The following KDM7A variants were observed in gnomAD, a reference collection of about 807,000 sequenced individuals.
KDM7A encodes the protein lysine demethylase 7A, also known as lysine-specific demethylase 7A.
Under a neutral mutation model 114.8 loss-of-function variants are expected in KDM7A, and 28 were observed. The observed-to-expected ratio is 0.24, with a 90% confidence interval of 0.18 to 0.33. The LOEUF is 0.33. Among genes scored for constraint, KDM7A ranks in the 10% least tolerant of loss-of-function variants. KDM7A has a pLI of 1.00. For missense variants in KDM7A, 942 were observed against 1,142.5 expected (o/e 0.82, Z 2.53); for synonymous variants, 423 against 397.8 (o/e 1.06, Z -0.75).
intron 11 of KDM7A, among the ~76,000 whole-genome samples, chr7:140,110,845 A>G (rs771916854): frequency 6.6e-6 from 1 of 151,910 alleles, no homozygotes; most frequent in Non-Finnish European, 1.5e-5. Context: ...TGTATTTTTG[A>G]TTTTTTTTAA....
At position 140,126,532 on chromosome 7, in the gene KDM7A, AAC is replaced by A; in HGVS notation, c.888+103_888+104del. 1.6e-5 allele frequency: 10 copies of A among 612,466 alleles called. No individual in the cohort carries two copies. The South Asian group carries it at 1.7e-4, about 10-fold the overall frequency. 37.9% of individuals were successfully genotyped at this position (612,466 alleles called of 1,614,324 possible). On this transcript the variant is annotated intron_variant, in intron 6 of 19. Transcript: ENST00000397560. ...GTTAAAAAGTAAAAAAAAAAAAAAA[AAC>A]TTCCCCCTTTACAAGTAACATTTAC...
In KDM7A at chr7:140,090,835, C is replaced by T. The variant is rs1350482023; in HGVS notation, c.*259G>A. On this transcript the variant is annotated 3_prime_UTR_variant, in exon 20 of 20. Coordinates refer to ENST00000397560, the MANE Select transcript of KDM7A (RefSeq NM_030647.2). ...ACCAACAACAAAATAAAATTCAAGCCCTGACAAGAGACCCTTTCCAGTTCA... is the reference window on the plus strand; with the variant it reads ...ACCAACAACAAAATAAAATTCAAGCTCTGACAAGAGACCCTTTCCAGTTCA... 3 of 418,266 alleles carry T rather than the reference C, an allele frequency of 7.2e-6. No homozygotes were observed. The highest frequency in any genetic ancestry group is 1.3e-5 in the Non-Finnish European group (3 of 234,948). The allele number at this position is 418,266 out of a possible 1,614,324, so 25.9% of individuals were successfully genotyped here. A position where few individuals can be genotyped will look rare whatever the true frequency, so the allele number is the denominator to read the frequency against.
intron 3 of KDM7A, among the ~76,000 whole-genome samples, chr7:140,131,153 C>T (rs1028146502): frequency 1.3e-5 from 2 of 152,120 alleles, no homozygotes; most frequent in Non-Finnish European, 2.9e-5. Flanking sequence ...AGGCGTGAGC[C>T]ACCGCGCCAG....
chr7:140,174,819 G>A (rs1225724855), intron 1 of KDM7A, among the ~76,000 whole-genome samples: 1 of 152,060 alleles, frequency 6.6e-6, no homozygotes, highest in African/African-American at 2.4e-5. Context: ...GTTTCACCAT[G>A]TTAGCCAGGA....
At chr7:140,111,019 TAG>T (rs1399391530) in intron 11 of KDM7A, 74 bp downstream of exon 11, 4 of 786,924 alleles carry the variant, frequency 5.1e-6, no homozygotes, top group South Asian at 1.8e-5. Flanking sequence ...TAAATATTTG[TAG>T]AGAGTGGAAT....
At chr7:140,127,891 CA>C (rs1171172941) in intron 4 of KDM7A, among the ~76,000 whole-genome samples, 1 of 151,872 alleles carries the variant, frequency 6.6e-6, no homozygotes, top group Non-Finnish European at 1.5e-5. Flanking sequence ...CTCATAATGA[CA>C]AAAAAATACA....
intron 1 of KDM7A, among the ~76,000 whole-genome samples, chr7:140,156,310 A>G (rs1212143276): frequency 2.0e-5 from 3 of 152,248 alleles, no homozygotes; most frequent in East Asian, 1.9e-4. Flanking sequence ...ATGAAATCAC[A>G]TAATTACACA....
At chr7:140,100,719 T>C (rs1329812660) in intron 12 of KDM7A, among the ~76,000 whole-genome samples, 12 of 59,728 alleles carry the variant, frequency 2.0e-4, no homozygotes, top group Middle Eastern at 9.1e-3. Flanking sequence ...CACATATATA[T>C]ATATATATAT....
intron 5 of KDM7A, 88 bp from the exon 6 acceptor site, chr7:140,126,911 A>T: frequency 1.1e-6 from 1 of 940,582 alleles, no homozygotes; most frequent in South Asian, 1.6e-5. Flanking sequence ...CCCAAACCAA[A>T]TAATTAAATG....
chr7:140,167,580 T>A (rs558576383), intron 1 of KDM7A, among the ~76,000 whole-genome samples: 7 of 152,134 alleles, frequency 4.6e-5, no homozygotes, highest in South Asian at 2.1e-4. Flanking sequence ...TTAGAAAAAA[T>A]TCTATTTATA....
intron 7 of KDM7A, among the ~76,000 whole-genome samples, chr7:140,121,837 A>G (rs1043042882): frequency 6.6e-6 from 1 of 152,156 alleles, no homozygotes; most frequent in Non-Finnish European, 1.5e-5. Context: ...ACCCACACAC[A>G]GTATATTTTC....
Position 140,093,358 on chromosome 7 carries a change from T to TCC in KDM7A, c.2457+696_2457+697dup, listed in dbSNP as rs1053064207. Among the ~76,000 whole-genome samples the TCC allele has an allele frequency of 2.0e-5, 3 of 152,180 alleles. No homozygotes were observed. In the East Asian group the frequency reaches 5.8e-4, roughly 29 times the overall value. On this transcript the variant is annotated intron_variant, in intron 18 of 19. Transcript: ENST00000397560. ...TCCCCTCTGTCTCCTCTTCCCTCCT[T>TCC]CCCTTCTCCCCCACAAATGTTTCTT...
chr7:140,172,094 G>A (rs1794651302), intron 1 of KDM7A, among the ~76,000 whole-genome samples: 1 of 152,122 alleles, frequency 6.6e-6, no homozygotes, highest in African/African-American at 2.4e-5. Flanking sequence ...GGAACTAAAA[G>A]TGGACACTGT....
chr7:140,167,562 C>A (rs1794592631), intron 1 of KDM7A, among the ~76,000 whole-genome samples: 1 of 151,952 alleles, frequency 6.6e-6, no homozygotes, highest in African/African-American at 2.4e-5. Flanking sequence ...TGGACAATTT[C>A]TTTTTATTTA....
rs1480371495 is a variant in KDM7A, at chr7:140,115,446, C to G, written c.1247-1864G>C. Among the ~76,000 whole-genome samples the G allele has an allele frequency of 5.9e-5, 9 of 152,302 alleles. No homozygotes were observed. In the East Asian group the frequency reaches 1.7e-3, roughly 29 times the overall value. On this transcript the variant is annotated intron_variant, in intron 9 of 19. Transcript: ENST00000397560. ...ATGGGAGACTCCATTTTGTTCTGTACTAAGAAAAATTCTTCTGCCTTGGGA... is the reference window on the plus strand; with the variant it reads ...ATGGGAGACTCCATTTTGTTCTGTAGTAAGAAAAATTCTTCTGCCTTGGGA...
chr7:140,091,930 A>G lies in KDM7A; in HGVS notation c.2605T>C (p.Cys869Arg). The change falls in exon 19 of 20, where the codon TGC becomes CGC. Residue 869 changes from cysteine (C) to arginine (R), a missense_variant. By Grantham distance (180) the Cys-to-Arg change is radical. This residue lies in a region of KDM7A where 512 missense variants were observed against 576.6 expected (regional missense o/e 0.89). Coordinates refer to ENST00000397560, the MANE Select transcript of KDM7A (RefSeq NM_030647.2). ...CTTAGACTGCCATTACTTATCTGGC[A>G]CGCCCCCGAAGTCAGGTTTGAATTC... The part of the protein sequence containing the change: ...MQNSNLTSGA[C>R]QISNGSLSPE... 1 of 1,613,722 alleles carries G rather than the reference A, an allele frequency of 6.2e-7. No individual in the cohort carries two copies. Among genetic ancestry groups the G allele is most frequent in the Middle Eastern group, 1.6e-4 (1 of 6,062 alleles).
At chr7:140,095,447 G>A (rs1818090639) in intron 17 of KDM7A, among the ~76,000 whole-genome samples, 1 of 152,234 alleles carries the variant, frequency 6.6e-6, no homozygotes, top group Non-Finnish European at 1.5e-5. Context: ...TTTGAGATCA[G>A]ATGGTCCTGG....
chr7:140,116,996 T>C (rs1818540572), intron 9 of KDM7A, among the ~76,000 whole-genome samples: 1 of 152,124 alleles, frequency 6.6e-6, no homozygotes, highest in African/African-American at 2.4e-5. Flanking sequence ...CAATGTAAAG[T>C]AAAAAGGTTA....
chr7:140,154,277 G>T (rs1794433526), intron 1 of KDM7A, among the ~76,000 whole-genome samples: 1 of 150,746 alleles, frequency 6.6e-6, no homozygotes, highest in Admixed American at 6.6e-5. Flanking sequence ...CTTGAAGCCA[G>T]AAGTTCAAGA....
Sources: allele counts gnomAD v4.1 joint callset (sites outside exome capture counted in the v4.1 genomes callset), GRCh38; gene constraint gnomAD v4.1.1; regional missense constraint gnomAD v4.1.1; transcripts MANE v1.5; gene names NCBI Gene and HGNC (gene_info 2026-07-23, HGNC 2026-07-21).